The following COMMD9 variants were observed in gnomAD, a reference collection of about 807,000 sequenced individuals.
COMMD9 encodes the protein COMM domain-containing protein 9.
Under a neutral mutation model 23.4 loss-of-function variants are expected in COMMD9, and 22 were observed. That is an observed-to-expected ratio of 0.94 (90% CI 0.67 to 1.34). The LOEUF (loss-of-function observed/expected upper bound fraction) is 1.34, where lower values mean the gene tolerates loss of function less well. COMMD9 is among the 40% of genes most tolerant of loss of function. COMMD9 has a pLI of 0.00. For synonymous variants in COMMD9, 99 were observed against 97.4 expected, an observed-to-expected ratio of 1.02 and a Z score of -0.10; for missense variants, 231 against 240.2, an observed-to-expected ratio of 0.96 and a Z score of 0.25.
chr11:36,274,843 C>A, intron 5 of COMMD9, 71 bp from the exon 6 acceptor site: 1 of 1,577,438 alleles, frequency 6.3e-7, no homozygotes, highest in South Asian at 1.2e-5. Flanking sequence ...GAGCCCTGAA[C>A]CTGCGAGGCT....
At position 36,288,359 on chromosome 11, in the gene COMMD9, T is replaced by TTAA. The variant is rs1554981279; in HGVS notation, c.51+1002_51+1003insTTA. On this transcript the variant is annotated intron_variant, in intron 1 of 5. Transcript: ENST00000263401. Reference sequence around the variant, plus strand: ...AACTCAACCCTCTTCACCTGGTGTTTAAAAAAAAAAAAAAAGAGAGAGGAA... The same window carrying TTAA: ...AACTCAACCCTCTTCACCTGGTGTTTTAAAAAAAAAAAAAAAAAGAGAGAGGAA... 2.5e-4 allele frequency among the ~76,000 whole-genome samples: 35 copies of TTAA among 141,708 alleles called. No individual in the cohort carries two copies. The East Asian group carries it at 3.4e-3, about 14-fold the overall frequency. 93.0% of individuals were successfully genotyped at this position (141,708 alleles called of 152,430 possible).
intron 2 of COMMD9, among the ~76,000 whole-genome samples, chr11:36,279,272 A>G (rs1182882047): frequency 1.3e-5 from 2 of 152,224 alleles, no homozygotes; most frequent in Non-Finnish European, 2.9e-5. Flanking sequence ...GGGAAGAGGC[A>G]TGTCTGCCCG....
rs61190360 is a variant in COMMD9, at chr11:36,286,439, G to GAAAAA, written c.51+2918_51+2922dup. ...GAAAGAAAGAAAGAAAGAAAGAAAAGAAAAAAAAAATCAGCCTGGAGGGGT... is the reference window on the plus strand; with the variant it reads ...GAAAGAAAGAAAGAAAGAAAGAAAAGAAAAAAAAAAAAAAATCAGCCTGGAGGGGT... On this transcript the variant is annotated intron_variant, in intron 1 of 5. Transcript: ENST00000263401. 9.5e-5 allele frequency among the ~76,000 whole-genome samples: 12 copies of GAAAAA among 125,880 alleles called. No homozygotes were observed. In the East Asian group the frequency reaches 1.3e-3, roughly 14 times the overall value. The allele number at this position is 125,880 out of a possible 152,430, so 82.6% of individuals were successfully genotyped here. A position where few individuals can be genotyped will look rare whatever the true frequency, so the allele number is the denominator to read the frequency against.
At chr11:36,286,543 G>A (rs1464612002) in intron 1 of COMMD9, among the ~76,000 whole-genome samples, 1 of 151,960 alleles carries the variant, frequency 6.6e-6, no homozygotes, top group East Asian at 1.9e-4. Flanking sequence ...AAGTTGCAGT[G>A]AGCTGAGATC....
intron 1 of COMMD9, among the ~76,000 whole-genome samples, chr11:36,284,923 A>G (rs569148194): frequency 6.6e-6 from 1 of 152,356 alleles, no homozygotes; most frequent in Non-Finnish European, 1.5e-5. Context: ...ATACTAGAAA[A>G]GAGGAAAAGT....
chr11:36,289,137 A>C (rs1309572370), intron 1 of COMMD9, among the ~76,000 whole-genome samples: 1 of 152,112 alleles, frequency 6.6e-6, no homozygotes, highest in Non-Finnish European at 1.5e-5. Flanking sequence ...CTGCGCCTTC[A>C]TGCCCATTAT....
chr11:36,278,370 G>A (rs559724252), intron 3 of COMMD9, 107 bp downstream of exon 3: 146 of 1,021,300 alleles, frequency 1.4e-4, no homozygotes, highest in Middle Eastern at 4.2e-4. Context: ...TTGCTTATCC[G>A]GGCTTCCTAA....
Position 36,276,136 on chromosome 11 carries a change from C to G in COMMD9, c.456+1G>C, listed in dbSNP as rs1855966432. Reference sequence around the variant, plus strand: ...TTCTAATGGCATGATAGTGAATGTACCTTCATCTGGAGCAGGCAGGTGGGG... The same window carrying G: ...TTCTAATGGCATGATAGTGAATGTAGCTTCATCTGGAGCAGGCAGGTGGGG... On this transcript the variant is annotated splice_donor_variant, in intron 5 of 5. Coordinates refer to ENST00000263401, the MANE Select transcript of COMMD9 (RefSeq NM_014186.4). LOFTEE classifies it high-confidence loss of function. 6.2e-7 allele frequency: 1 copy of G among 1,609,866 alleles called. No individual in the cohort carries two copies. The highest frequency in any genetic ancestry group is 1.3e-5 in the African/African-American group (1 of 74,772).
chr11:36,278,535 G>T lies in COMMD9; in HGVS notation c.259C>A (p.Pro87Thr), dbSNP rs758731355. The change falls in exon 3 of 6, where the codon CCA becomes ACA. Residue 87 changes from proline (P) to threonine (T), a missense_variant. Transcript: ENST00000263401. ...TTGAGGTTTTGGTGGAAATTTTCTG[G>T]AAAGAGAGCCAGAATTGCCTCGGCA... ...SSAEAILALF[P>T]ENFHQNLKNL... 1 of 1,614,110 alleles carries T rather than the reference G, an allele frequency of 6.2e-7. No individual in the cohort carries two copies. Among genetic ancestry groups the T allele is most frequent in the Admixed American group, 1.7e-5 (1 of 60,030 alleles).
At position 36,274,664 on chromosome 11, in the gene COMMD9, G is replaced by C. The variant is rs146821553; in HGVS notation, c.565C>G (p.Arg189Gly). The change falls in exon 6 of 6, where the codon CGA (arginine) becomes GGA (glycine). Residue 189 changes from arginine to glycine, a missense_variant. Physicochemically the swap from Arg to Gly is moderately radical, Grantham distance 125. Transcript: ENST00000263401. ...DTMLDGLGRI[R>G]DQLSAVASK is the part of the protein sequence containing the mutation. ...CTGGCCACGGCAGAGAGTTGGTCTC[G>C]GATGCGGCCCAGGCCATCTAACATG... The C allele has an allele frequency of 6.2e-7, 1 of 1,614,268 alleles. No homozygotes were observed. The highest frequency in any genetic ancestry group is 1.1e-5 in the South Asian group (1 of 91,088).
chr11:36,274,920 G>A (rs1010088814), intron 5 of COMMD9, 148 bp from the exon 6 acceptor site: 57 of 957,550 alleles, frequency 6.0e-5, no homozygotes, highest in Non-Finnish European at 8.6e-5. Context: ...CCAGCCCTTG[G>A]GTCATTTAGC....
chr11:36,283,166 A>G (rs911275325), intron 1 of COMMD9, among the ~76,000 whole-genome samples: 1 of 152,084 alleles, frequency 6.6e-6, no homozygotes, highest in Non-Finnish European at 1.5e-5. Flanking sequence ...TCACACATCA[A>G]TTGTCTCTGG....
At position 36,283,262 on chromosome 11, in the gene COMMD9, A is replaced by G. The variant is rs189604128; in HGVS notation, c.52-2425T>C. Reference sequence around the variant, plus strand: ...GTCAACACCTAAAATAAACCATCACAATCAGGAAGACAGAACAGGGCAAAC... The same window carrying G: ...GTCAACACCTAAAATAAACCATCACGATCAGGAAGACAGAACAGGGCAAAC... On this transcript the variant is annotated intron_variant, in intron 1 of 5. Coordinates refer to ENST00000263401, the MANE Select transcript of COMMD9 (RefSeq NM_014186.4). Among the ~76,000 whole-genome samples, 44 of 152,306 alleles carry G rather than the reference A, an allele frequency of 2.9e-4. 1 individual carries two copies. In the East Asian group the frequency reaches 8.3e-3, roughly 29 times the overall value.
In COMMD9 at chr11:36,274,156, C is replaced by A. The variant is rs1855928103; in HGVS notation, c.*476G>T. 1 of 425,340 alleles carries A rather than the reference C, an allele frequency of 2.4e-6. No individual in the cohort carries two copies. The highest frequency in any genetic ancestry group is 4.8e-6 in the Non-Finnish European group (1 of 210,284). The allele number at this position is 425,340 out of a possible 1,614,324, so 26.3% of individuals were successfully genotyped here. On this transcript the variant is annotated 3_prime_UTR_variant, in exon 6 of 6. Coordinates refer to ENST00000263401, the MANE Select transcript of COMMD9 (RefSeq NM_014186.4). ...CTCTGGATGGACCATGCTCTGTGGG[C>A]TCTGCCTGGCTTCCCTGACAGAGGA...
Position 36,274,494 on chromosome 11 carries a change from C to G in COMMD9, c.*138G>C. ...CTTCTTCCCAATCCAACTGTAACTT[C>G]TGGATGGCAGTAGCCCCCTGCTGTC... On this transcript the variant is annotated 3_prime_UTR_variant, in exon 6 of 6. Coordinates refer to ENST00000263401, the MANE Select transcript of COMMD9 (RefSeq NM_014186.4). 1 of 1,058,462 alleles carries G rather than the reference C, an allele frequency of 9.4e-7. No homozygotes were observed. The highest frequency in any genetic ancestry group is 1.4e-6 in the Non-Finnish European group (1 of 696,004). The allele number at this position is 1,058,462 out of a possible 1,614,324, so 65.6% of individuals were successfully genotyped here.
At position 36,274,285 on chromosome 11, in the gene COMMD9, G is replaced by T; in HGVS notation, c.*347C>A. Reference sequence around the variant, plus strand: ...GGAAATAAACTTACTTATTGGATAGGCTGCATGATTTGGGCCTGAATTTCT... The same window carrying T: ...GGAAATAAACTTACTTATTGGATAGTCTGCATGATTTGGGCCTGAATTTCT... On this transcript the variant is annotated 3_prime_UTR_variant, in exon 6 of 6. Coordinates refer to ENST00000263401, the MANE Select transcript of COMMD9 (RefSeq NM_014186.4). 1 of 517,728 alleles carries T rather than the reference G, an allele frequency of 1.9e-6. No homozygotes were observed. Among genetic ancestry groups the T allele is most frequent in the Non-Finnish European group, 3.7e-6 (1 of 267,734 alleles). The allele number at this position is 517,728 out of a possible 1,614,324, so 32.1% of individuals were successfully genotyped here.
At position 36,276,164 on chromosome 11, in the gene COMMD9, G is replaced by A. The variant is rs201628324; in HGVS notation, c.429C>T (p.Ala143=). 33 of 1,613,898 alleles carry A rather than the reference G, an allele frequency of 2.0e-5. No homozygotes were observed. Among genetic ancestry groups the A allele is most frequent in the Non-Finnish European group, 2.5e-5 (29 of 1,179,828 alleles). The part of the protein sequence containing the change: ...KTSSDSISRM[A]VPTCLLQMKI... ...TCATCTGGAGCAGGCAGGTGGGGAC[G>A]GCCATGCGGCTGATGCTGTCTGAGG... Residue 143 remains alanine (A), a synonymous_variant, in exon 5 of 6, where the codon GCC becomes GCT. Transcript: ENST00000263401.
intron 2 of COMMD9, among the ~76,000 whole-genome samples, chr11:36,280,468 G>A (rs962135832): frequency 3.3e-5 from 5 of 152,212 alleles, no homozygotes; most frequent in African/African-American, 1.2e-4. Flanking sequence ...GTTATAGGTT[G>A]GAAAAGAAAA....
At chr11:36,276,733 G>A (rs930692374) in intron 4 of COMMD9, 7 of 210,634 alleles carry the variant, frequency 3.3e-5, no homozygotes, top group Non-Finnish European at 4.7e-5. Flanking sequence ...CTCCAGCACT[G>A]TGGCTGGCTC....
Sources: allele counts gnomAD v4.1 joint callset (sites outside exome capture counted in the v4.1 genomes callset), GRCh38; gene constraint gnomAD v4.1.1; transcripts MANE v1.5; gene names NCBI Gene and HGNC (gene_info 2026-07-23, HGNC 2026-07-21).